The following DIS3L variants were observed in gnomAD, a reference collection of about 807,000 sequenced individuals.
DIS3L encodes DIS3-like exonuclease 1.
A neutral mutation model predicts 120.3 loss-of-function variants in DIS3L; 100 were observed. The ratio of observed to expected loss-of-function variants is 0.83; its 90% CI spans 0.71 to 0.98. DIS3L has a LOEUF of 0.98. Ranked by LOEUF, DIS3L falls within the 50% of genes least tolerant of loss-of-function variation. The pLI is 0.00. For synonymous variants in DIS3L, 426 were observed against 470.6 expected (o/e 0.91, Z 1.23); for missense variants, 1,196 against 1,314.2 (o/e 0.91, Z 1.39).
At chr15:66,332,634 T>G in intron 15 of DIS3L, 102 bp from the exon 16 acceptor site, 1 of 1,186,944 alleles carries the variant, frequency 8.4e-7, no homozygotes, top group African/African-American at 1.5e-5. Flanking sequence ...GAAAAGTGAT[T>G]TGTTTTTAAT....
intron 2 of DIS3L, among the ~76,000 whole-genome samples, chr15:66,301,631 G>A (rs185941218): frequency 4.6e-4 from 70 of 152,248 alleles, no homozygotes; most frequent in African/African-American, 1.6e-3. Flanking sequence ...GGTCGAATTC[G>A]CTTAAGGCAC....
At chr15:66,328,893 G>A in intron 12 of DIS3L, 77 bp from the exon 13 acceptor site, 1 of 1,514,486 alleles carries the variant, frequency 6.6e-7, no homozygotes, top group Non-Finnish European at 8.8e-7. Context: ...AGACGGATGA[G>A]TGAAGGGTTC....
At chr15:66,313,342 G>A (rs928026018) in intron 5 of DIS3L, among the ~76,000 whole-genome samples, 4 of 152,170 alleles carry the variant, frequency 2.6e-5, no homozygotes, top group Non-Finnish European at 5.9e-5. Flanking sequence ...CTACTCATCA[G>A]TTACATAAGA....
In DIS3L at chr15:66,311,776, A is replaced by G. The variant is rs897612848; in HGVS notation, c.611A>G (p.Asp204Gly). 11 of 1,614,016 alleles carry G rather than the reference A, an allele frequency of 6.8e-6. No individual in the cohort carries two copies. The highest frequency in any genetic ancestry group is 7.6e-6 in the Non-Finnish European group (9 of 1,180,028). ...PDLKAAHELC[D>G]SILQSRRERE... The stretch of plus-strand genomic sequence containing the variant: ...TTAAAAGCTGCCCACGAGCTTTGTG[A>G]TTCTATCCTTCAGTCTCGACGGGAG... The change falls in exon 5 of 17, where the codon GAT becomes GGT. Residue 204 changes from aspartate to glycine, a missense_variant. By Grantham distance (94) the Asp-to-Gly change is moderately conservative (BLOSUM62 -1). Transcript: ENST00000319212.
intron 11 of DIS3L, among the ~76,000 whole-genome samples, chr15:66,324,116 C>T (rs923578920): frequency 6.6e-6 from 1 of 152,180 alleles, no homozygotes; most frequent in African/African-American, 2.4e-5. Flanking sequence ...ATAATACATA[C>T]ATGAATATGC....
chr15:66,304,998 C>CTTTTT (rs1283384329), intron 2 of DIS3L, among the ~76,000 whole-genome samples: 11 of 105,068 alleles, frequency 1.0e-4, no homozygotes, highest in East Asian at 2.6e-4. Context: ...AAATCGATTT[C>CTTTTT]TTTTTTTTTT....
At chr15:66,298,799 CAT>C (rs1462956159) in intron 2 of DIS3L, among the ~76,000 whole-genome samples, 1 of 152,232 alleles carries the variant, frequency 6.6e-6, no homozygotes, top group Non-Finnish European at 1.5e-5. Context: ...CATGTGTTCA[CAT>C]GTGTGTTGGT....
At chr15:66,320,392 T>C (rs938559870) in intron 8 of DIS3L, among the ~76,000 whole-genome samples, 179 bp from the exon 9 acceptor site, 1 of 151,728 alleles carries the variant, frequency 6.6e-6, no homozygotes, top group African/African-American at 2.4e-5. Context: ...TCATACCATC[T>C]GGCAATTTAG....
At chr15:66,294,552 T>A in intron 1 of DIS3L, 1 of 990,220 alleles carries the variant, frequency 1.0e-6, no homozygotes. Context: ...CTCTGTTCAA[T>A]CTTTCTGGCC....
rs929093054 is a variant in DIS3L at position 66,333,618 on chromosome 15, A to G, written c.*306A>G. 1.7e-5 allele frequency: 3 copies of G among 179,022 alleles called. No homozygotes were observed. The Admixed American group carries it at 1.8e-4, about 11-fold the overall frequency. 11.1% of individuals were successfully genotyped at this position (179,022 alleles called of 1,614,324 possible). A position where few individuals can be genotyped will look rare whatever the true frequency, so the allele number is the denominator to read the frequency against. The stretch of plus-strand genomic sequence containing the variant: ...GTGGCATGCGCCTGTAGTCCCAGCT[A>G]CTTGGGAGGCTGAAGCAGGAGAATT... On this transcript the variant is annotated 3_prime_UTR_variant, in exon 17 of 17. Transcript: ENST00000319212.
intron 5 of DIS3L, among the ~76,000 whole-genome samples, chr15:66,313,789 G>A (rs1333532912): frequency 6.7e-6 from 1 of 150,060 alleles, no homozygotes; most frequent in African/African-American, 2.5e-5. Flanking sequence ...ATGTGTGTGT[G>A]TATATATATA....
intron 4 of DIS3L, among the ~76,000 whole-genome samples, chr15:66,310,057 TC>T (rs1356254310): frequency 2.6e-5 from 4 of 152,198 alleles, no homozygotes; most frequent in Admixed American, 6.5e-5. Context: ...GCCCAGCTGG[TC>T]AATTAGGTTT....
At chr15:66,332,621 C>A (rs2093013011) in intron 15 of DIS3L, 115 bp from the exon 16 acceptor site, 4 of 1,076,982 alleles carry the variant, frequency 3.7e-6, no homozygotes, top group Non-Finnish European at 2.6e-6. Flanking sequence ...AGGTAAACCA[C>A]AGGAAAAGTG....
intron 1 of DIS3L, among the ~76,000 whole-genome samples, 168 bp from the exon 2 acceptor site, chr15:66,294,820 C>T (rs181203037): frequency 1.7e-3 from 255 of 152,258 alleles, no homozygotes; most frequent in Admixed American, 3.6e-3. Flanking sequence ...AATGAGGGTG[C>T]TCAATATACC....
intron 11 of DIS3L, 84 bp downstream of exon 11, chr15:66,323,669 T>C (rs2066099089): frequency 7.1e-7 from 1 of 1,417,786 alleles, no homozygotes; most frequent in Admixed American, 1.7e-5. Flanking sequence ...TCATGTTTCT[T>C]CTCTGCTATG....
At chr15:66,304,077 G>A (rs1175553113) in intron 2 of DIS3L, among the ~76,000 whole-genome samples, 7 of 109,180 alleles carry the variant, frequency 6.4e-5, no homozygotes, top group Non-Finnish European at 1.3e-4. Flanking sequence ...GCAACAGAGT[G>A]AGACTCTGTT....
intron 2 of DIS3L, among the ~76,000 whole-genome samples, chr15:66,305,363 T>G (rs1049096906): frequency 1.3e-5 from 2 of 152,070 alleles, no homozygotes; most frequent in Non-Finnish European, 2.9e-5. Flanking sequence ...GATCAGTGTT[T>G]ATGCATTTAA....
At chr15:66,294,101 A>C in intron 1 of DIS3L, 1 of 985,694 alleles carries the variant, frequency 1.0e-6, no homozygotes, top group Non-Finnish European at 1.2e-6. Context: ...GGAGGTCCCG[A>C]GCTGGGAGCC....
upstream of DIS3L, chr15:66,293,399 AGGCCACTGAG>A: frequency 9.3e-7 from 1 of 1,070,508 alleles, no homozygotes; most frequent in East Asian, 4.2e-5. Context: ...GCCCTGGTCC[AGGCCACTGAG>A]GGAAGGGAAG....
Sources: allele counts gnomAD v4.1 joint callset (sites outside exome capture counted in the v4.1 genomes callset), GRCh38; gene constraint gnomAD v4.1.1; transcripts MANE v1.5; gene names NCBI Gene and HGNC (gene_info 2026-07-23, HGNC 2026-07-21).